Variants in CTNNA3 observed in about 807,000 individuals in gnomAD.
CTNNA3 encodes the protein catenin alpha 3.
Under a neutral mutation model 95.7 loss-of-function variants are expected in CTNNA3, and 76 were observed. The observed-to-expected ratio is 0.79, with a 90% CI of 0.66 to 0.96. The LOEUF is 0.96. Ranked by LOEUF, CTNNA3 falls within the 40% of genes least tolerant of loss-of-function variation. CTNNA3 has a pLI of 0.00. For synonymous variants in CTNNA3, 431 were observed against 374.4 expected, an observed-to-expected ratio of 1.15 and a Z score of -1.74; for missense variants, 1,191 against 1,089.8, an observed-to-expected ratio of 1.09 and a Z score of -1.31.
intron 16 of CTNNA3, among the ~76,000 whole-genome samples, chr10:65,978,807 C>T (rs1255935954): frequency 2.0e-5 from 3 of 152,116 alleles, no homozygotes; most frequent in African/African-American, 7.2e-5. Context: ...TGTGCTTATT[C>T]TACACCTAGA....
At chr10:66,831,703 G>A (rs1842726398) in intron 7 of CTNNA3, among the ~76,000 whole-genome samples, 1 of 152,184 alleles carries the variant, frequency 6.6e-6, no homozygotes. Context: ...AAAAAAAGGG[G>A]AAGGAGCATG....
At chr10:66,134,168 G>GA in intron 13 of CTNNA3, among the ~76,000 whole-genome samples, 1 of 151,976 alleles carries the variant, frequency 6.6e-6, no homozygotes, top group South Asian at 2.1e-4. Context: ...TAAAAACCAA[G>GA]AAAAAAGAAC....
chr10:67,421,140 A>G lies in CTNNA3; in HGVS notation c.579+100702T>C, dbSNP rs1056135065. ...TCATTTATCTGAATCAAAAGACATC[A>G]ATAAAATCTATGGAGCATGCCTCCT... is the stretch of plus-strand genomic sequence containing the variant. On this transcript the variant is annotated intron_variant, in intron 5 of 17. Coordinates refer to ENST00000433211, the MANE Select transcript of CTNNA3 (RefSeq NM_013266.4). 1.8e-4 allele frequency among the ~76,000 whole-genome samples: 27 copies of G among 152,318 alleles called. 1 individual carries two copies. Among genetic ancestry groups the G allele is most frequent in the Admixed American group, 1.8e-3 (27 of 15,288 alleles).
Position 66,927,118 on chromosome 10 carries a change from C to G in CTNNA3, c.1048-151594G>C. 6.2e-7 allele frequency: 1 copy of G among 1,614,132 alleles called. No homozygotes were observed. The highest frequency in any genetic ancestry group is 8.5e-7 in the Non-Finnish European group (1 of 1,180,012). ...ATCTGCTGGTTGCTTAGGTTTGTCCCTTCGCTATAACAGCCTTCAAAAACT... is the reference window on the plus strand; with the variant it reads ...ATCTGCTGGTTGCTTAGGTTTGTCCGTTCGCTATAACAGCCTTCAAAAACT... On this transcript the variant is annotated intron_variant, in intron 7 of 17. Transcript: ENST00000433211. This position sits in a 1 kb window ranked among gnomAD's most constrained non-coding sequence, Gnocchi z 4.7.
chr10:66,997,596 T>C (rs1484395241), intron 7 of CTNNA3, among the ~76,000 whole-genome samples: 1 of 152,202 alleles, frequency 6.6e-6, no homozygotes, highest in Non-Finnish European at 1.5e-5. Flanking sequence ...ATACACTGTT[T>C]TCCTAAATTC....
At chr10:67,011,683 T>C (rs761086381) in intron 7 of CTNNA3, among the ~76,000 whole-genome samples, 1 of 152,180 alleles carries the variant, frequency 6.6e-6, no homozygotes, top group Non-Finnish European at 1.5e-5. Context: ...AGCAAATATA[T>C]AGAGTGCTTA....
chr10:67,546,457 A>C (rs1301729718), intron 3 of CTNNA3, among the ~76,000 whole-genome samples: 1 of 152,176 alleles, frequency 6.6e-6, no homozygotes, highest in Non-Finnish European at 1.5e-5. Context: ...TTTTAAGATA[A>C]TAAAATACAC....
chr10:66,688,611 CAGA>C (rs1040865152), intron 9 of CTNNA3, among the ~76,000 whole-genome samples: 15 of 152,110 alleles, frequency 9.9e-5, no homozygotes, highest in African/African-American at 3.6e-4. Context: ...TTCACCTCAG[CAGA>C]AGATTTTTTG....
intron 7 of CTNNA3, among the ~76,000 whole-genome samples, chr10:66,942,431 T>C (rs554743540): frequency 6.6e-6 from 1 of 152,280 alleles, no homozygotes; most frequent in Non-Finnish European, 1.5e-5. Flanking sequence ...AACAGAAAAA[T>C]TCTGTTGTTA....
chr10:66,124,591 G>A (rs1475151940), intron 13 of CTNNA3, among the ~76,000 whole-genome samples: 2 of 152,152 alleles, frequency 1.3e-5, no homozygotes, highest in Non-Finnish European at 2.9e-5. Flanking sequence ...TTTTCACACT[G>A]CTGATGAAGA....
intron 1 of CTNNA3, among the ~76,000 whole-genome samples, chr10:67,702,334 C>T (rs1841046229): frequency 6.6e-6 from 1 of 152,102 alleles, no homozygotes; most frequent in South Asian, 2.1e-4. Flanking sequence ...TTTTTTTCAG[C>T]ACCACACCAC....
intron 9 of CTNNA3, among the ~76,000 whole-genome samples, chr10:66,687,795 G>A (rs1321620306): frequency 4.6e-5 from 7 of 151,188 alleles, no homozygotes; most frequent in African/African-American, 1.7e-4. Context: ...TATGGAAGAT[G>A]GTGATTATCT....
intron 5 of CTNNA3, among the ~76,000 whole-genome samples, chr10:67,244,680 T>C (rs1280863023): frequency 2.0e-5 from 3 of 152,154 alleles, no homozygotes; most frequent in Non-Finnish European, 2.9e-5. Flanking sequence ...ATAATTACCA[T>C]AGGAATTATA....
intron 7 of CTNNA3, among the ~76,000 whole-genome samples, chr10:67,071,513 T>C (rs1372905417): frequency 5.9e-4 from 22 of 37,478 alleles, no homozygotes; most frequent in Admixed American, 4.4e-3. Context: ...GTTTTTTTTG[T>C]TTGTTTGTTT....
chr10:67,528,562 C>T (rs1840219387), intron 4 of CTNNA3, among the ~76,000 whole-genome samples: 1 of 152,138 alleles, frequency 6.6e-6, no homozygotes, highest in South Asian at 2.1e-4. Context: ...CTCTAGTCAA[C>T]TCTCCAAACT....
At chr10:66,965,000 A>T (rs909416839) in intron 7 of CTNNA3, among the ~76,000 whole-genome samples, 2 of 152,238 alleles carry the variant, frequency 1.3e-5, no homozygotes, top group African/African-American at 4.8e-5. Flanking sequence ...TTCTGCAATA[A>T]GATTGCCACG....
chr10:66,723,342 C>T (rs575459892), intron 9 of CTNNA3, among the ~76,000 whole-genome samples: 1 of 152,114 alleles, frequency 6.6e-6, no homozygotes, highest in Non-Finnish European at 1.5e-5. Flanking sequence ...TACCATCCTA[C>T]CCAAGGGCCC....
chr10:67,082,578 C>G (rs1462425872), intron 7 of CTNNA3, among the ~76,000 whole-genome samples: 1 of 152,076 alleles, frequency 6.6e-6, no homozygotes, highest in South Asian at 2.1e-4. Flanking sequence ...ACTTCACAAG[C>G]CTCCTAGGAA....
intron 7 of CTNNA3, among the ~76,000 whole-genome samples, chr10:66,964,071 C>T (rs990732681): frequency 4.6e-5 from 7 of 151,822 alleles, no homozygotes; most frequent in South Asian, 2.1e-4. Flanking sequence ...AGGATGGTCT[C>T]GATCTTCTGA....
Sources: allele counts gnomAD v4.1 joint callset (sites outside exome capture counted in the v4.1 genomes callset), GRCh38; gene constraint gnomAD v4.1.1; non-coding constraint Gnocchi (gnomAD v3.1); transcripts MANE v1.5; gene names NCBI Gene and HGNC (gene_info 2026-07-23, HGNC 2026-07-21).